The following TMEM232 variants were observed in gnomAD, a reference collection of about 807,000 sequenced individuals.
TMEM232 encodes transmembrane protein 232.
A neutral mutation model predicts 78.8 loss-of-function variants in TMEM232; 80 were observed. The observed-to-expected ratio is 1.01, with a 90% CI of 0.85 to 1.22. The LOEUF is 1.22. Ranked by LOEUF, TMEM232 falls within the 50% of genes most tolerant of loss-of-function variation. The pLI is 0.00. For missense variants in TMEM232, 881 were observed against 742.2 expected (o/e 1.19, Z -2.17); for synonymous variants, 297 against 254.3 (o/e 1.17, Z -1.60).
chr5:110,491,900 G>A (rs530574103), intron 12 of TMEM232, among the ~76,000 whole-genome samples: 1 of 151,808 alleles, frequency 6.6e-6, no homozygotes, highest in East Asian at 1.9e-4. Flanking sequence ...ATTATAAATA[G>A]AGATTACTAT....
intron 2 of TMEM232, among the ~76,000 whole-genome samples, chr5:110,662,396 T>C (rs1789925783): frequency 6.6e-6 from 1 of 152,174 alleles, no homozygotes; most frequent in South Asian, 2.1e-4. Context: ...ACCATGTTTA[T>C]AAATTAGAAT....
At chr5:110,651,523 G>A (rs971446153) in intron 2 of TMEM232, among the ~76,000 whole-genome samples, 3 of 152,000 alleles carry the variant, frequency 2.0e-5, no homozygotes, top group Non-Finnish European at 2.9e-5. Flanking sequence ...AGAGATCAAG[G>A]AGCGGGCTGG....
chr5:110,475,535 A>T (rs1763158174), intron 12 of TMEM232, among the ~76,000 whole-genome samples: 1 of 150,650 alleles, frequency 6.6e-6, no homozygotes, highest in Non-Finnish European at 1.5e-5. Flanking sequence ...AAAAATGGCA[A>T]ACAAATGAGG....
intron 10 of TMEM232, among the ~76,000 whole-genome samples, chr5:110,583,963 T>C (rs1450319186): frequency 8.0e-6 from 1 of 125,696 alleles, no homozygotes; most frequent in East Asian, 2.5e-4. Flanking sequence ...GAATATCTAT[T>C]ATCAAAAAAA....
intron 1 of TMEM232, among the ~76,000 whole-genome samples, chr5:110,681,664 T>G (rs2431647): frequency 0.61 from 92,318 of 152,076 alleles, 32,450 homozygotes; most frequent in Non-Finnish European, 0.79. Flanking sequence ...ATTTAAATGG[T>G]TGAGAACCAT....
At chr5:110,736,649 T>G (rs1799201371) in intron 1 of TMEM232, among the ~76,000 whole-genome samples, 1 of 152,098 alleles carries the variant, frequency 6.6e-6, no homozygotes, top group African/African-American at 2.4e-5. Flanking sequence ...TATTACTATT[T>G]TTTGCCTCAG....
At chr5:110,611,076 A>T (rs1035166521) in intron 8 of TMEM232, among the ~76,000 whole-genome samples, 13 of 152,146 alleles carry the variant, frequency 8.5e-5, no homozygotes, top group African/African-American at 3.1e-4. Context: ...ATATGACCAA[A>T]TAATTAAATG....
In TMEM232 at chr5:110,627,771, G is replaced by T. The variant is rs909563340; in HGVS notation, c.601+10C>A. On this transcript the variant is annotated intron_variant, in intron 6 of 13. Coordinates refer to ENST00000455884, the MANE Select transcript of TMEM232 (RefSeq NM_001039763.4). ...AACATTTATAAGTGTAAAAATAAAAGATATTCTACCGTATAAATATGGTTG... is the reference window on the plus strand; with the variant it reads ...AACATTTATAAGTGTAAAAATAAAATATATTCTACCGTATAAATATGGTTG... 9 of 1,431,740 alleles carry T rather than the reference G, an allele frequency of 6.3e-6. No individual in the cohort carries two copies. In the Admixed American group the frequency reaches 1.2e-4, roughly 18 times the overall value. The allele number at this position is 1,431,740 out of a possible 1,614,324, so 88.7% of individuals were successfully genotyped here. A position where few individuals can be genotyped will look rare whatever the true frequency, so the allele number is the denominator to read the frequency against.
chr5:110,517,759 A>G (rs961525649), intron 12 of TMEM232, among the ~76,000 whole-genome samples: 7 of 152,230 alleles, frequency 4.6e-5, no homozygotes, highest in African/African-American at 1.7e-4. Context: ...GGAGTCTGCA[A>G]TGAACTGTGA....
chr5:110,397,021 G>A (rs1231483360), intron 3 of TMEM232, among the ~76,000 whole-genome samples: 5 of 152,110 alleles, frequency 3.3e-5, no homozygotes, highest in African/African-American at 2.4e-5. Context: ...TGAAAGTCAG[G>A]TCATGAGAGT....
chr5:110,433,740 A>T (rs560243181), intron 12 of TMEM232, among the ~76,000 whole-genome samples: 1 of 7,760 alleles, frequency 1.3e-4, no homozygotes, highest in Admixed American at 1.9e-3. Flanking sequence ...GTTATGATCA[A>T]ATCGTTTTTA....
chr5:110,489,249 T>C (rs1580895623), intron 12 of TMEM232, among the ~76,000 whole-genome samples: 1 of 151,720 alleles, frequency 6.6e-6, no homozygotes, highest in African/African-American at 2.4e-5. Context: ...ATTATAAATA[T>C]AGAAATAAAA....
At chr5:110,515,641 C>T (rs1246164280) in intron 12 of TMEM232, among the ~76,000 whole-genome samples, 6 of 152,176 alleles carry the variant, frequency 3.9e-5, no homozygotes, top group Admixed American at 1.3e-4. Context: ...TTTCTGCTAA[C>T]GGTTGACTTC....
In TMEM232 at chr5:110,481,189, TC is replaced by T. The variant is rs1405543354; in HGVS notation, c.1703+47398del. On this transcript the variant is annotated intron_variant, in intron 12 of 13. Coordinates refer to ENST00000455884, the MANE Select transcript of TMEM232 (RefSeq NM_001039763.4). ...TAGATTTAAAGTATATGTTACTTTCTCTAAACATTCATTATGATGTTAAAAT... is the reference window on the plus strand; with the variant it reads ...TAGATTTAAAGTATATGTTACTTTCTTAAACATTCATTATGATGTTAAAAT... Among the ~76,000 whole-genome samples, 3 of 152,284 alleles carry T rather than the reference TC, an allele frequency of 2.0e-5. No homozygotes were observed. The South Asian group carries it at 6.2e-4, about 32-fold the overall frequency.
Position 110,568,525 on chromosome 5 carries a change from G to A in TMEM232, c.1377C>T (p.Asn459=). ...TTTTCTGCAATGTTTGCCATATCATGTTTCTAAGTCCATCCTGTTCTTCGT... is the reference window on the plus strand; with the variant it reads ...TTTTCTGCAATGTTTGCCATATCATATTTCTAAGTCCATCCTGTTCTTCGT... The part of the protein sequence containing the change: ...QGDEEQDGLR[N]MIWQTLQKTK... The change falls in exon 11 of 14, where the codon AAC becomes AAT. Residue 459 remains asparagine (N), a synonymous_variant. Transcript: ENST00000455884. 6.5e-7 allele frequency: 1 copy of A among 1,549,282 alleles called. No homozygotes were observed. Among genetic ancestry groups the A allele is most frequent in the Non-Finnish European group, 8.7e-7 (1 of 1,145,672 alleles).
intron 11 of TMEM232, among the ~76,000 whole-genome samples, chr5:110,529,899 A>G (rs762452718): frequency 3.9e-5 from 6 of 152,220 alleles, no homozygotes; most frequent in Non-Finnish European, 8.8e-5. Flanking sequence ...ATATGTACAT[A>G]CTATTAATTC....
intron 2 of TMEM232, among the ~76,000 whole-genome samples, chr5:110,657,762 C>T (rs1040504365): frequency 1.3e-5 from 2 of 151,914 alleles, no homozygotes; most frequent in South Asian, 4.2e-4. Context: ...GTTGTCACCA[C>T]GAAGAAATAA....
At chr5:110,643,307 A>G (rs1787009818) in intron 2 of TMEM232, among the ~76,000 whole-genome samples, 1 of 152,012 alleles carries the variant, frequency 6.6e-6, no homozygotes, top group South Asian at 2.1e-4. Flanking sequence ...ATGGAGTGTA[A>G]GCAGTTGGAT....
At chr5:110,700,735 T>C (rs1462941932) in intron 1 of TMEM232, among the ~76,000 whole-genome samples, 1 of 151,360 alleles carries the variant, frequency 6.6e-6, no homozygotes, top group African/African-American at 2.4e-5. Flanking sequence ...GAAGTGAAGA[T>C]AGATAAATAG....
Sources: gnomAD v4.1 joint callset for allele counts (sites outside exome capture counted in the v4.1 genomes callset) on GRCh38, gnomAD v4.1.1 for gene constraint, MANE v1.5 for transcripts, NCBI Gene and HGNC (gene_info 2026-07-23, HGNC 2026-07-21) for gene names.